FAM135B: variants seen among roughly 807,000 people sequenced by gnomAD.
The protein encoded by FAM135B is protein FAM135B.
FAM135B carries 43 observed loss-of-function variants against 127.7 expected under a neutral mutation model. The ratio of observed to expected loss-of-function variants is 0.34; its 90% CI spans 0.26 to 0.43. The LOEUF is 0.43. Ranked by LOEUF, FAM135B falls within the 20% of genes least tolerant of loss-of-function variation. FAM135B has a pLI of 1.00. For synonymous variants in FAM135B, 670 were observed against 665.1 expected, an observed-to-expected ratio of 1.01 and a Z score of -0.11; for missense variants, 1,558 against 1,725.6, an observed-to-expected ratio of 0.90 and a Z score of 1.72.
At position 138,141,831 on chromosome 8, in the gene FAM135B, C is replaced by A. The variant is rs996498292; in HGVS notation, c.3639-482G>T. Among the ~76,000 whole-genome samples the A allele has an allele frequency of 5.3e-5, 8 of 152,202 alleles. No individual in the cohort carries two copies. Among genetic ancestry groups the A allele is most frequent in the African/African-American group, 1.9e-4 (8 of 41,458 alleles). Reference sequence around the variant, plus strand: ...CCTGCTCACAGCCCATGCTGTTAGACCCCCTCCTGCAGGCTCTGCTCCAGC... The same window carrying A: ...CCTGCTCACAGCCCATGCTGTTAGAACCCCTCCTGCAGGCTCTGCTCCAGC... On this transcript the variant is annotated intron_variant, in intron 16 of 19. Transcript: ENST00000395297. This position sits in a 1 kb window ranked among gnomAD's most constrained non-coding sequence, Gnocchi z 4.7.
At chr8:138,323,948 G>T (rs757751675) in intron 2 of FAM135B, among the ~76,000 whole-genome samples, 4 of 152,190 alleles carry the variant, frequency 2.6e-5, no homozygotes, top group Non-Finnish European at 4.4e-5. Context: ...GTCTTCATGT[G>T]GCTGAACCTA....
chr8:138,452,356 G>A (rs913585533), intron 1 of FAM135B, among the ~76,000 whole-genome samples: 2 of 151,872 alleles, frequency 1.3e-5, no homozygotes, highest in African/African-American at 4.8e-5. Flanking sequence ...CCTGACCTCA[G>A]GTGATCCACC....
intron 4 of FAM135B, among the ~76,000 whole-genome samples, 186 bp downstream of exon 4, chr8:138,265,517 T>C (rs1283541639): frequency 2.0e-5 from 3 of 152,264 alleles, no homozygotes; most frequent in East Asian, 1.9e-4. Context: ...CAAGCAAATA[T>C]ATGAATAAAA....
chr8:138,148,002 A>G (rs1003855690), intron 14 of FAM135B, among the ~76,000 whole-genome samples: 2 of 152,162 alleles, frequency 1.3e-5, no homozygotes, highest in African/African-American at 4.8e-5. Flanking sequence ...AAATAAACAT[A>G]GGTAGCAAGA....
intron 3 of FAM135B, among the ~76,000 whole-genome samples, chr8:138,287,392 A>T (rs2130777541): frequency 6.6e-6 from 1 of 151,642 alleles, no homozygotes; most frequent in Admixed American, 6.6e-5. Flanking sequence ...AAATATTTCC[A>T]TAAACTGCTA....
intron 3 of FAM135B, among the ~76,000 whole-genome samples, chr8:138,278,122 G>C (rs1422955587): frequency 6.6e-6 from 1 of 151,956 alleles, no homozygotes; most frequent in Non-Finnish European, 1.5e-5. Context: ...GCACCAAGAC[G>C]TTGATGTGAC....
At chr8:138,394,301 T>C (rs2131339356) in intron 1 of FAM135B, among the ~76,000 whole-genome samples, 1 of 152,282 alleles carries the variant, frequency 6.6e-6, no homozygotes, top group South Asian at 2.1e-4. Context: ...TGGGCCAGTA[T>C]TTATCAAGTT....
intron 8 of FAM135B, among the ~76,000 whole-genome samples, chr8:138,195,611 C>T (rs575682619): frequency 5.3e-5 from 8 of 151,450 alleles, no homozygotes; most frequent in Middle Eastern, 3.4e-3. Context: ...AGAGATTCCA[C>T]GTTTATTTCT....
chr8:138,377,710 C>T (rs952606199), intron 1 of FAM135B, among the ~76,000 whole-genome samples: 1 of 152,158 alleles, frequency 6.6e-6, no homozygotes, highest in Non-Finnish European at 1.5e-5. Context: ...CATGACCTAG[C>T]AAGTTCTTGA....
intron 1 of FAM135B, among the ~76,000 whole-genome samples, chr8:138,398,590 C>CA (rs1304434921): frequency 6.6e-6 from 1 of 152,036 alleles, no homozygotes; most frequent in Non-Finnish European, 1.5e-5. Context: ...TGTGCAATGA[C>CA]AGTTTGATTT....
At chr8:138,441,810 C>T (rs1045021222) in intron 1 of FAM135B, 1 of 151,988 alleles carries the variant, frequency 6.6e-6, no homozygotes, top group African/African-American at 2.4e-5. Context: ...ATTTTACCCT[C>T]AGCAGCTGTG....
chr8:138,248,131 A>T (rs2130453647), intron 6 of FAM135B, among the ~76,000 whole-genome samples: 1 of 152,342 alleles, frequency 6.6e-6, no homozygotes, highest in Non-Finnish European at 1.5e-5. Context: ...TCATTTAATC[A>T]TTCTAAAAGC....
At chr8:138,479,105 A>G (rs1814653638) in intron 1 of FAM135B, among the ~76,000 whole-genome samples, 1 of 152,182 alleles carries the variant, frequency 6.6e-6, no homozygotes, top group African/African-American at 2.4e-5. Context: ...CTCAAAAAGC[A>G]CTGAAAAGAA....
At chr8:138,458,918 G>C (rs758993929) in intron 1 of FAM135B, among the ~76,000 whole-genome samples, 21 of 152,092 alleles carry the variant, frequency 1.4e-4, no homozygotes, top group African/African-American at 4.3e-4. Context: ...GTGAAGTGTG[G>C]GATTTCTGAC....
At chr8:138,495,607 G>A (rs1815360320) in intron 1 of FAM135B, among the ~76,000 whole-genome samples, 1 of 152,100 alleles carries the variant, frequency 6.6e-6, no homozygotes, top group African/African-American at 2.4e-5. Flanking sequence ...TTATTCAGAG[G>A]CCTACTTACC....
At chr8:138,328,662 T>A (rs1827969935) in intron 2 of FAM135B, among the ~76,000 whole-genome samples, 1 of 152,188 alleles carries the variant, frequency 6.6e-6, no homozygotes, top group Non-Finnish European at 1.5e-5. Flanking sequence ...CGAGCTACCT[T>A]TCACCAGAGG....
chr8:138,485,901 G>C (rs1016441605), intron 1 of FAM135B, among the ~76,000 whole-genome samples: 1 of 152,146 alleles, frequency 6.6e-6, no homozygotes, highest in Non-Finnish European at 1.5e-5. Context: ...TGATATGTGA[G>C]TGAGTGTGTG....
At chr8:138,221,102 T>G (rs543821637) in intron 7 of FAM135B, among the ~76,000 whole-genome samples, 1 of 152,208 alleles carries the variant, frequency 6.6e-6, no homozygotes, top group Non-Finnish European at 1.5e-5. Context: ...ATTAGTCTTT[T>G]CTTGCATTGC....
rs1351827697 is a variant in FAM135B, at chr8:138,141,879, C to CG, written c.3639-531dup. Among the ~76,000 whole-genome samples, 8 of 152,150 alleles carry CG rather than the reference C, an allele frequency of 5.3e-5. No individual in the cohort carries two copies. In the East Asian group the frequency reaches 1.5e-3, roughly 29 times the overall value. Reference sequence around the variant, plus strand: ...AGCCATACTGCTACTCACAGGCCCACGTGTTCAATGAATCATTATTCTCAA... The same window carrying CG: ...AGCCATACTGCTACTCACAGGCCCACGGTGTTCAATGAATCATTATTCTCAA... On this transcript the variant is annotated intron_variant, in intron 16 of 19. Transcript: ENST00000395297. This position sits in a 1 kb window ranked among gnomAD's most constrained non-coding sequence, Gnocchi z 4.7.
Sources: allele counts gnomAD v4.1 joint callset (sites outside exome capture counted in the v4.1 genomes callset), GRCh38; gene constraint gnomAD v4.1.1; non-coding constraint Gnocchi (gnomAD v3.1); transcripts MANE v1.5; gene names NCBI Gene and HGNC (gene_info 2026-07-23, HGNC 2026-07-21).